The following DOCK9 variants were observed in gnomAD, a reference collection of about 807,000 sequenced individuals.
DOCK9 encodes the protein dedicator of cytokinesis 9.
In DOCK9, 89 loss-of-function variants were observed where a neutral mutation model predicts 263.3. That is an observed-to-expected ratio of 0.34 (90% CI 0.28 to 0.40). The LOEUF (loss-of-function observed/expected upper bound fraction) is 0.40. DOCK9 is among the 10% of genes least tolerant of loss of function. The pLI is 1.00. For missense variants in DOCK9, 2,140 were observed against 2,603.4 expected (o/e 0.82, Z 3.87); for synonymous variants, 976 against 973.1 (o/e 1.00, Z -0.06).
chr13:98,961,607 C>T (rs2058648294), intron 1 of DOCK9, among the ~76,000 whole-genome samples: 1 of 152,214 alleles, frequency 6.6e-6, no homozygotes, highest in Admixed American at 6.5e-5. Context: ...AGCAGCAGTC[C>T]TGGGATGCCT....
At chr13:99,051,975 C>T (rs1273654649) in intron 1 of DOCK9, among the ~76,000 whole-genome samples, 3 of 151,888 alleles carry the variant, frequency 2.0e-5, no homozygotes, top group Non-Finnish European at 2.9e-5. Context: ...AATCAGTTGG[C>T]TTTTTGAAAA....
intron 9 of DOCK9, among the ~76,000 whole-genome samples, chr13:98,913,077 T>C (rs2050312432): frequency 6.6e-6 from 1 of 152,164 alleles, no homozygotes; most frequent in South Asian, 2.1e-4. Context: ...AAAGATACTG[T>C]GGTAGCAGTC....
intron 1 of DOCK9, among the ~76,000 whole-genome samples, chr13:98,995,520 G>T (rs1209375076): frequency 7.9e-6 from 1 of 126,620 alleles, no homozygotes; most frequent in Non-Finnish European, 1.6e-5. Context: ...ACAGAGTCTC[G>T]CTCTGTCCCC....
chr13:98,852,806 C>A (rs1038421386), intron 35 of DOCK9, among the ~76,000 whole-genome samples: 2 of 152,278 alleles, frequency 1.3e-5, no homozygotes, highest in Non-Finnish European at 2.9e-5. Context: ...AAGCCTTATA[C>A]GGTCCAGATA....
At chr13:98,877,313 T>C (rs775630799) in intron 27 of DOCK9, among the ~76,000 whole-genome samples, 1 of 152,240 alleles carries the variant, frequency 6.6e-6, no homozygotes, top group Admixed American at 6.5e-5. Context: ...TGGTTTAATT[T>C]GGCATCTTGA....
chr13:98,969,463 GAA>G (rs56102330), intron 1 of DOCK9, among the ~76,000 whole-genome samples: 1 of 148,938 alleles, frequency 6.7e-6, no homozygotes, highest in Non-Finnish European at 1.5e-5. Context: ...GCGGGAGAAA[GAA>G]AAAAAAAAGA....
At chr13:98,795,551 G>A (rs548299889) in intron 52 of DOCK9, among the ~76,000 whole-genome samples, 1 of 152,310 alleles carries the variant, frequency 6.6e-6, no homozygotes, top group South Asian at 2.1e-4. Context: ...TACTTTGGGA[G>A]TTTAACAGTT....
chr13:98,831,537 A>G lies in DOCK9; in HGVS notation c.4453-7T>C. The G allele has an allele frequency of 6.3e-7, 1 of 1,585,052 alleles. No homozygotes were observed. The highest frequency in any genetic ancestry group is 8.6e-7 in the Non-Finnish European group (1 of 1,164,626). On this transcript the variant is annotated splice_polypyrimidine_tract_variant and splice_region_variant and intron_variant, in intron 40 of 52. Coordinates refer to ENST00000682017, the MANE Select transcript of DOCK9 (RefSeq NM_001366683.2). ...CATAGAATGTTGAGGGAAACTAGAC[A>G]GGATGAGAGGAAGCAGCAGATAAAC...
chr13:98,872,540 G>A (rs527255196), intron 27 of DOCK9, among the ~76,000 whole-genome samples: 27 of 152,142 alleles, frequency 1.8e-4, no homozygotes, highest in South Asian at 4.2e-4. Context: ...CTGAGTAGCC[G>A]GGATAACAGG....
chr13:98,965,256 T>A (rs753428668), intron 1 of DOCK9, among the ~76,000 whole-genome samples: 6 of 152,176 alleles, frequency 3.9e-5, no homozygotes, highest in Non-Finnish European at 8.8e-5. Flanking sequence ...GTCACAGACA[T>A]GCTCTTCTGT....
chr13:99,000,153 G>A lies in DOCK9; in HGVS notation c.130-44602C>T, dbSNP rs141915943. Among the ~76,000 whole-genome samples the A allele has an allele frequency of 3.9e-5, 6 of 152,228 alleles. No homozygotes were observed. In the South Asian group the frequency reaches 6.2e-4, roughly 16 times the overall value. On this transcript the variant is annotated intron_variant, in intron 1 of 32. Transcript: ENST00000427887. ...TTCTGGGATCTGGGAGAAAATACACGCAGAAGGGGCTCCTATCACCAACTC... is the reference window on the plus strand; with the variant it reads ...TTCTGGGATCTGGGAGAAAATACACACAGAAGGGGCTCCTATCACCAACTC...
chr13:98,909,036 A>C (rs2049574392), intron 9 of DOCK9, among the ~76,000 whole-genome samples: 1 of 152,224 alleles, frequency 6.6e-6, no homozygotes, highest in Admixed American at 6.5e-5. Context: ...GATGGTAAGA[A>C]GAGCCAACTG....
At chr13:98,795,176 G>T (rs7982436) in intron 52 of DOCK9, among the ~76,000 whole-genome samples, 4,015 of 152,308 alleles carry the variant, frequency 0.026, 182 homozygotes, top group African/African-American at 0.091. Context: ...TTAAGGCAAC[G>T]TGAGGTCTAC....
chr13:98,838,926 C>T (rs1341999316), intron 38 of DOCK9, among the ~76,000 whole-genome samples: 1 of 152,174 alleles, frequency 6.6e-6, no homozygotes, highest in Non-Finnish European at 1.5e-5. Context: ...ATCTACACTC[C>T]AAATTCCTTA....
chr13:98,986,785 A>G (rs987740309), intron 1 of DOCK9, among the ~76,000 whole-genome samples: 1 of 152,204 alleles, frequency 6.6e-6, no homozygotes, highest in Non-Finnish European at 1.5e-5. Context: ...CCTGGGCCAC[A>G]CGTCCTAAGA....
At chr13:99,053,209 T>A (rs1444973760) in intron 1 of DOCK9, among the ~76,000 whole-genome samples, 1 of 152,214 alleles carries the variant, frequency 6.6e-6, no homozygotes, top group Non-Finnish European at 1.5e-5. Context: ...AAGAATTATG[T>A]CCACAGTAAC....
intron 34 of DOCK9, among the ~76,000 whole-genome samples, chr13:98,854,157 C>A (rs2093643354): frequency 6.6e-6 from 1 of 152,104 alleles, no homozygotes; most frequent in Admixed American, 6.5e-5. Context: ...TAGCTCAACA[C>A]TGCAAACGTC....
Position 99,024,143 on chromosome 13 carries a change from A to C in DOCK9, c.129+62080T>G, listed in dbSNP as rs115300462. Among the ~76,000 whole-genome samples, 1,404 of 152,352 alleles carry C rather than the reference A, an allele frequency of 9.2e-3. 18 individuals are homozygous for C. The highest frequency in any genetic ancestry group is 0.032 in the African/African-American group (1,341 of 41,578). On this transcript the variant is annotated intron_variant, in intron 1 of 32. Transcript: ENST00000427887. ...TAAATGCTGATGCTGTATCAAACAT[A>C]AAAAGCTGCCAAACAGCACATCTAT...
At chr13:98,987,975 A>T (rs1002849219) in intron 1 of DOCK9, among the ~76,000 whole-genome samples, 27 of 152,258 alleles carry the variant, frequency 1.8e-4, no homozygotes, top group African/African-American at 6.0e-4. Context: ...TAAAAACATT[A>T]AAAAAATTTA....
Sources: allele counts gnomAD v4.1 joint callset (sites outside exome capture counted in the v4.1 genomes callset), GRCh38; gene constraint gnomAD v4.1.1; transcripts MANE v1.5; gene names NCBI Gene and HGNC (gene_info 2026-07-23, HGNC 2026-07-21).